Variants in GPC3 observed in about 807,000 individuals in gnomAD.
GPC3 encodes the protein glypican-3.
A neutral mutation model predicts 34.4 loss-of-function variants in GPC3; 3 were observed. The observed-to-expected ratio is 0.09, with a 90% CI of 0.04 to 0.23. The LOEUF (loss-of-function observed/expected upper bound fraction) is 0.23. GPC3 is among the 10% of genes least tolerant of loss of function. GPC3 has a pLI of 1.00. For synonymous variants in GPC3, 177 were observed against 174.0 expected, an observed-to-expected ratio of 1.02 and a Z score of -0.13; for missense variants, 351 against 445.6, an observed-to-expected ratio of 0.79 and a Z score of 1.91.
chrX:133,897,123 G>A (rs1294027169), intron 2 of GPC3, among the ~76,000 whole-genome samples: 4 of 107,976 alleles, frequency 3.7e-5, no homozygotes, highest in Non-Finnish European at 7.7e-5. Flanking sequence ...AGCCAGGATG[G>A]TCTCGATCTC....
At chrX:133,856,651 C>G (rs2075903015) in intron 2 of GPC3, among the ~76,000 whole-genome samples, 1 of 111,763 alleles carries the variant, frequency 8.9e-6, no homozygotes, top group African/African-American at 3.2e-5. Flanking sequence ...CAATTTTCCT[C>G]AAATAGTAGG....
At chrX:133,549,872 C>G (rs776812923) in intron 7 of GPC3, among the ~76,000 whole-genome samples, 1 of 97,700 alleles carries the variant, frequency 1.0e-5, no homozygotes, top group Admixed American at 1.1e-4. Context: ...TCTCTCTCTT[C>G]CTGTCTTCCC....
chrX:133,585,442 C>T (rs1043243789), intron 7 of GPC3, among the ~76,000 whole-genome samples: 2 of 111,144 alleles, frequency 1.8e-5, no homozygotes, highest in African/African-American at 3.3e-5. Flanking sequence ...TCACTCTGCA[C>T]GCTCACGATT....
rs1310037930 is a variant in GPC3, at chrX:133,801,684, G to T, written c.338-47508C>A. Among the ~76,000 whole-genome samples the T allele has an allele frequency of 8.9e-5, 10 of 111,968 alleles. No individual in the cohort carries two copies. In the Admixed American group the frequency reaches 9.5e-4, roughly 11 times the overall value. On this transcript the variant is annotated intron_variant, in intron 2 of 7. Coordinates refer to ENST00000370818, the MANE Select transcript of GPC3 (RefSeq NM_004484.4). ...CAAGGGATTTTAATTAAAAGGTCAA[G>T]AACACTAAAATACAACAAGACATGT...
intron 6 of GPC3, among the ~76,000 whole-genome samples, chrX:133,625,000 G>A (rs2070283843): frequency 8.9e-6 from 1 of 112,053 alleles, no homozygotes; most frequent in South Asian, 3.7e-4. Context: ...GGGATGCAAG[G>A]CTGGTTCAAC....
At chrX:133,854,597 T>C (rs993229885) in intron 2 of GPC3, among the ~76,000 whole-genome samples, 1 of 112,084 alleles carries the variant, frequency 8.9e-6, no homozygotes, top group East Asian at 2.8e-4. Context: ...TACATGTATA[T>C]GTGGTTTTGA....
At chrX:133,738,285 CT>C (rs1256922250) in intron 3 of GPC3, among the ~76,000 whole-genome samples, 1 of 111,893 alleles carries the variant, frequency 8.9e-6, no homozygotes, top group Non-Finnish European at 1.9e-5. Flanking sequence ...TTTCATCTTC[CT>C]TGTACTCCTG....
intron 3 of GPC3, among the ~76,000 whole-genome samples, chrX:133,707,007 G>A (rs1361632046): frequency 8.9e-6 from 1 of 112,080 alleles, no homozygotes. Flanking sequence ...TATACACCAT[G>A]GAATACTACT....
At chrX:133,860,892 A>G (rs1054163987) in intron 2 of GPC3, among the ~76,000 whole-genome samples, 94 of 111,238 alleles carry the variant, frequency 8.5e-4, no homozygotes, top group African/African-American at 2.8e-3. Context: ...GCCTGAGCTC[A>G]GGAGTTCGAG....
intron 7 of GPC3, among the ~76,000 whole-genome samples, chrX:133,567,864 T>C (rs895760009): frequency 8.9e-6 from 1 of 112,122 alleles, no homozygotes; most frequent in Admixed American, 9.5e-5. Flanking sequence ...TATATACACA[T>C]AAAATATTTA....
intron 3 of GPC3, among the ~76,000 whole-genome samples, chrX:133,726,702 C>T (rs1365271065): frequency 9.0e-6 from 1 of 111,397 alleles, no homozygotes; most frequent in Non-Finnish European, 1.9e-5. Flanking sequence ...GTTCACAAAT[C>T]TTTCTGTTGG....
intron 6 of GPC3, among the ~76,000 whole-genome samples, chrX:133,622,392 A>G (rs1452170463): frequency 8.9e-6 from 1 of 111,947 alleles, no homozygotes; most frequent in African/African-American, 3.2e-5. Context: ...AGCCCATCGC[A>G]AAGAAGCTGA....
chrX:133,693,156 A>AGTGTGT lies in GPC3; in HGVS notation c.1167-668_1167-663dup, dbSNP rs57735935. On this transcript the variant is annotated intron_variant, in intron 4 of 7. Coordinates refer to ENST00000370818, the MANE Select transcript of GPC3 (RefSeq NM_004484.4). ...TTTTTGTGCTACATATAATAAGACA[A>AGTGTGT]GTGTGTGTGTGTGTGTGTGTGTGTG... Among the ~76,000 whole-genome samples the AGTGTGT allele has an allele frequency of 2.2e-3, 199 of 89,392 alleles. 2 individuals carry two copies. The highest frequency in any genetic ancestry group is 0.018 in the Middle Eastern group (3 of 164). The allele number at this position is 89,392 out of a possible 115,157, so 77.6% of individuals were successfully genotyped here.
intron 6 of GPC3, among the ~76,000 whole-genome samples, chrX:133,658,763 A>G (rs1164397792): frequency 8.9e-6 from 1 of 112,186 alleles, no homozygotes; most frequent in Non-Finnish European, 1.9e-5. Flanking sequence ...GAAAATGTTC[A>G]TGCACATATT....
At chrX:133,760,782 GGTTAATAATAAT>G (rs1160599364) in intron 2 of GPC3, among the ~76,000 whole-genome samples, 1 of 111,231 alleles carries the variant, frequency 9.0e-6, no homozygotes, top group African/African-American at 3.3e-5. Flanking sequence ...TATGGGCTTT[GGTTAATAATAAT>G]GTATCAATAT....
intron 2 of GPC3, among the ~76,000 whole-genome samples, chrX:133,947,638 G>A (rs747052475): frequency 8.9e-6 from 1 of 111,749 alleles, no homozygotes; most frequent in Non-Finnish European, 1.9e-5. Flanking sequence ...TTAAAGAATT[G>A]CATTTTTAAA....
At chrX:133,709,317 A>G (rs1397146197) in intron 3 of GPC3, among the ~76,000 whole-genome samples, 1 of 111,416 alleles carries the variant, frequency 9.0e-6, no homozygotes, top group Non-Finnish European at 1.9e-5. Context: ...ATCAACTCTG[A>G]TCTAGTTGTC....
intron 2 of GPC3, among the ~76,000 whole-genome samples, chrX:133,798,680 A>G (rs1225786695): frequency 1.8e-5 from 2 of 112,472 alleles, no homozygotes; most frequent in African/African-American, 3.2e-5. Flanking sequence ...TAAACACTTT[A>G]TGTTTTTCAA....
chrX:133,602,498 C>A (rs185429719), intron 6 of GPC3, among the ~76,000 whole-genome samples: 1 of 111,132 alleles, frequency 9.0e-6, no homozygotes, highest in Admixed American at 9.6e-5. Flanking sequence ...GAATCTAATG[C>A]CTGATGATCC....
Sources: gnomAD v4.1 joint callset for allele counts (sites outside exome capture counted in the v4.1 genomes callset) on GRCh38, gnomAD v4.1.1 for gene constraint, MANE v1.5 for transcripts, NCBI Gene and HGNC (gene_info 2026-07-23, HGNC 2026-07-21) for gene names.